The following ECE1 variants were observed in gnomAD, a reference collection of about 807,000 sequenced individuals.
The protein encoded by ECE1 is endothelin converting enzyme 1.
Under a neutral mutation model 98.6 loss-of-function variants are expected in ECE1, and 35 were observed. That is an observed-to-expected ratio of 0.35 (90% CI 0.27 to 0.47). The LOEUF (loss-of-function observed/expected upper bound fraction) is 0.47, where lower values mean the gene tolerates loss of function less well. Among genes scored for constraint, ECE1 ranks in the 20% least tolerant of loss-of-function variants. The probability of loss-of-function intolerance (pLI) is 1.00; values close to 1 mark genes in which losing one functional copy is unlikely to be tolerated. For synonymous variants in ECE1, 394 were observed against 407.1 expected (o/e 0.97, Z 0.39); for missense variants, 814 against 1,025.3 (o/e 0.79, Z 2.81).
chr1:21,240,900 G>C (rs2098195264), intron 10 of ECE1, among the ~76,000 whole-genome samples: 1 of 152,232 alleles, frequency 6.6e-6, no homozygotes, highest in Non-Finnish European at 1.5e-5. Flanking sequence ...CTTCACACGA[G>C]CTTTCATTCA....
At chr1:21,253,692 G>A (rs1472950374) in intron 8 of ECE1, among the ~76,000 whole-genome samples, 3 of 150,798 alleles carry the variant, frequency 2.0e-5, no homozygotes, top group Admixed American at 2.0e-4. Flanking sequence ...GAACCCAGGA[G>A]GTGGAGCTTG....
intron 7 of ECE1, chr1:21,256,769 C>T (rs1348050224): frequency 6.5e-6 from 1 of 153,974 alleles, no homozygotes; most frequent in African/African-American, 2.4e-5. Context: ...CCACCCCCCA[C>T]CCGTGTTCCA....
At chr1:21,285,457 G>C (rs561125440) in intron 2 of ECE1, among the ~76,000 whole-genome samples, 15 of 152,244 alleles carry the variant, frequency 9.9e-5, no homozygotes, top group African/African-American at 3.6e-4. Flanking sequence ...GGCAAACAGA[G>C]TTGATAACAA....
intron 1 of ECE1, among the ~76,000 whole-genome samples, chr1:21,339,327 C>T (rs1035105778): frequency 6.6e-6 from 1 of 152,206 alleles, no homozygotes; most frequent in Admixed American, 6.5e-5. Flanking sequence ...CTCTCAACGC[C>T]TCTGGCTACC....
chr1:21,236,867 A>G (rs765957974), intron 11 of ECE1, 23 bp from the exon 12 acceptor site: 1 of 1,605,712 alleles, frequency 6.2e-7, no homozygotes, highest in South Asian at 1.1e-5. Flanking sequence ...ACATCACAGC[A>G]GTAAGGTCTG....
intron 10 of ECE1, among the ~76,000 whole-genome samples, chr1:21,241,010 T>A (rs2098195446): frequency 6.6e-6 from 1 of 152,160 alleles, no homozygotes; most frequent in African/African-American, 2.4e-5. Flanking sequence ...TACTCCTGGG[T>A]CTCAACTGAA....
intron 10 of ECE1, among the ~76,000 whole-genome samples, chr1:21,241,161 C>T (rs1254085787): frequency 3.3e-5 from 5 of 152,100 alleles, no homozygotes; most frequent in African/African-American, 9.7e-5. Context: ...CTCAGCCTCC[C>T]GAGTAGCTGG....
rs1452632235 is a variant in ECE1 at position 21,225,334 on chromosome 1, G to C, written c.1956C>G (p.Tyr652Ter). 1 of 1,614,252 alleles carries C rather than the reference G, an allele frequency of 6.2e-7. No homozygotes were observed. Among genetic ancestry groups the C allele is most frequent in the Admixed American group, 1.7e-5 (1 of 60,034 alleles). Residue 652 changes from tyrosine (Y) to a stop codon, truncating the protein, a stop_gained, in exon 17 of 19, where the codon TAC becomes TAG. Transcript: ENST00000374893. LOFTEE classifies it high-confidence loss of function. This position sits in a 1 kb window ranked among gnomAD's most constrained non-coding sequence, Gnocchi z 5.3. Reference protein sequence around the residue: ...TECMVEQYSNYSVNGEPVNGR... With the variant: ...TECMVEQYSN ...CGTTCACCGGCTCCCCGTTCACGCT[G>C]TAGTTGCTGTACTGCTCTACCATGC...
At chr1:21,252,157 A>G (rs1378185398) in intron 8 of ECE1, among the ~76,000 whole-genome samples, 1 of 152,230 alleles carries the variant, frequency 6.6e-6, no homozygotes, top group Admixed American at 6.5e-5. Flanking sequence ...ACGGTGAGAA[A>G]TCCCTGTGTA....
Position 21,235,894 on chromosome 1 carries a change from T to C in ECE1, c.1522A>G (p.Asn508Asp), listed in dbSNP as rs1457979722. The C allele has an allele frequency of 6.2e-7, 1 of 1,614,168 alleles. No homozygotes were observed. The highest frequency in any genetic ancestry group is 1.1e-5 in the South Asian group (1 of 91,080). Residue 508 changes from asparagine to aspartate, a missense_variant, in exon 13 of 19, where the codon AAC (asparagine) becomes GAC (aspartate). This residue lies in a region of ECE1 where 452 missense variants were observed against 567.3 expected (regional missense o/e 0.80). Transcript: ENST00000374893. This position sits in a 1 kb window ranked among gnomAD's most constrained non-coding sequence, Gnocchi z 4.2. ...DAIYNMIGYP[N>D]FIMDPKELDK... ...AGCTCCTTGGGATCCATGATGAAGT[T>C]GGGGTATCCTATCATGTTGTAGATG...
At chr1:21,250,980 C>A (rs2098212057) in intron 8 of ECE1, among the ~76,000 whole-genome samples, 1 of 151,688 alleles carries the variant, frequency 6.6e-6, no homozygotes, top group Non-Finnish European at 1.5e-5. Context: ...GCACTCCAGC[C>A]TGGGCGACAG....
intron 4 of ECE1, among the ~76,000 whole-genome samples, chr1:21,268,383 G>A (rs1046399865): frequency 6.6e-5 from 10 of 152,332 alleles, no homozygotes; most frequent in Admixed American, 2.6e-4. Flanking sequence ...AGTGAGGTGC[G>A]AGGCATCTGT....
In ECE1 at chr1:21,225,453, G is replaced by C; in HGVS notation, c.1850-13C>G. 1 of 1,613,466 alleles carries C rather than the reference G, an allele frequency of 6.2e-7. No individual in the cohort carries two copies. The highest frequency in any genetic ancestry group is 1.1e-5 in the South Asian group (1 of 90,930). ...TCATACTCCCGTCCTGTGGGTCAGA[G>C]GGAGGCGTCATGTCAAGGGAGGGAG... On this transcript the variant is annotated splice_polypyrimidine_tract_variant and intron_variant, in intron 16 of 18. Coordinates refer to ENST00000374893, the MANE Select transcript of ECE1 (RefSeq NM_001397.3). This position sits in a 1 kb window ranked among gnomAD's most constrained non-coding sequence, Gnocchi z 5.3.
intron 1 of ECE1, among the ~76,000 whole-genome samples, chr1:21,324,433 G>A (rs940719529): frequency 6.6e-6 from 1 of 152,212 alleles, no homozygotes; most frequent in African/African-American, 2.4e-5. Context: ...TCTGTCCAGG[G>A]AGACTCCAAC....
intron 11 of ECE1, 87 bp from the exon 12 acceptor site, chr1:21,236,931 A>G: frequency 2.4e-6 from 3 of 1,267,528 alleles, no homozygotes; most frequent in Non-Finnish European, 3.4e-6. Flanking sequence ...AATGATGGCC[A>G]GAGATTAAAC....
At chr1:21,287,004 A>T (rs2098261306) in intron 2 of ECE1, among the ~76,000 whole-genome samples, 1 of 152,234 alleles carries the variant, frequency 6.6e-6, no homozygotes, top group South Asian at 2.1e-4. Context: ...AACATTGGCC[A>T]GCAGGTCCAA....
Position 21,219,856 on chromosome 1 carries a change from C to T in ECE1, c.*99G>A. 2 of 1,503,908 alleles carry T rather than the reference C, an allele frequency of 1.3e-6. No individual in the cohort carries two copies. Among genetic ancestry groups the T allele is most frequent in the African/African-American group, 1.4e-5 (1 of 72,736 alleles). The allele number at this position is 1,503,908 out of a possible 1,614,324, so 93.2% of individuals were successfully genotyped here. On this transcript the variant is annotated 3_prime_UTR_variant, in exon 19 of 19. Transcript: ENST00000374893. The surrounding 1 kb of genome is among the most constrained non-coding windows in gnomAD (Gnocchi z 4.5). ...CCCGCCAGTGTGAGGAAGCAGGGCCCCGGGTGGCCAAGCGGGCTGAGCAAT... is the reference window on the plus strand; with the variant it reads ...CCCGCCAGTGTGAGGAAGCAGGGCCTCGGGTGGCCAAGCGGGCTGAGCAAT...
chr1:21,247,504 G>A (rs2098205515), intron 8 of ECE1, 141 bp from the exon 9 acceptor site: 6 of 1,235,048 alleles, frequency 4.9e-6, no homozygotes, highest in South Asian at 3.8e-5. Context: ...AGAGTCAAGC[G>A]GAGCCTGGCG....
chr1:21,261,908 T>C (rs1460231390), intron 4 of ECE1, among the ~76,000 whole-genome samples: 1 of 152,202 alleles, frequency 6.6e-6, no homozygotes, highest in Non-Finnish European at 1.5e-5. Flanking sequence ...CAAGCGGGGA[T>C]GCCTGAAAGG....
Sources: allele counts gnomAD v4.1 joint callset (sites outside exome capture counted in the v4.1 genomes callset), GRCh38; gene constraint gnomAD v4.1.1; regional missense constraint gnomAD v4.1.1; non-coding constraint Gnocchi (gnomAD v3.1); transcripts MANE v1.5; gene names NCBI Gene and HGNC (gene_info 2026-07-23, HGNC 2026-07-21).